Variants in ERCC6L2 observed in about 807,000 individuals in gnomAD.
ERCC6L2 encodes the protein ERCC excision repair 6 like 2.
Under a neutral mutation model 132.0 loss-of-function variants are expected in ERCC6L2, and 77 were observed. That is an observed-to-expected ratio of 0.58 (90% confidence interval 0.49 to 0.71). The LOEUF (loss-of-function observed/expected upper bound fraction) is 0.71, where lower values mean the gene tolerates loss of function less well. ERCC6L2 is among the 30% of genes least tolerant of loss of function. The pLI, the probability that ERCC6L2 is intolerant of heterozygous loss-of-function variation, is 0.00. For missense variants in ERCC6L2, 1,542 were observed against 1,837.6 expected (o/e 0.84, Z 2.94); for synonymous variants, 583 against 632.4 (o/e 0.92, Z 1.17).
intron 17 of ERCC6L2, among the ~76,000 whole-genome samples, chr9:96,003,702 C>T (rs1490401779): frequency 6.6e-6 from 1 of 152,344 alleles, no homozygotes; most frequent in African/African-American, 2.4e-5. Context: ...GGCTGCTGAG[C>T]TTCAGCTCCC....
At chr9:95,876,134 C>G in intron 1 of ERCC6L2, 50 bp downstream of exon 1, 1 of 1,504,622 alleles carries the variant, frequency 6.6e-7, no homozygotes, top group East Asian at 2.5e-5. Flanking sequence ...TACTGCGTCG[C>G]GTTGGACCAG....
chr9:95,908,568 T>C (rs962027091), intron 4 of ERCC6L2, among the ~76,000 whole-genome samples: 1 of 152,224 alleles, frequency 6.6e-6, no homozygotes, highest in Non-Finnish European at 1.5e-5. Context: ...AAGGCTTTTA[T>C]AGTAATGTGG....
In ERCC6L2 at chr9:96,001,166, C is replaced by CATAAAAGCAGCGTGGACCCA. The variant is rs1257313382; in HGVS notation, c.3493-3352_3493-3333dup. On this transcript the variant is annotated intron_variant, in intron 17 of 18. Transcript: ENST00000653738. ...GATCTTTGCGGTGAGTGTTACAGCT[C>CATAAAAGCAGCGTGGACCCA]ATAAAAGCAGCGTGGACCCAAAGAG... Among the ~76,000 whole-genome samples, 15 of 152,284 alleles carry CATAAAAGCAGCGTGGACCCA rather than the reference C, an allele frequency of 9.9e-5. No homozygotes were observed. The East Asian group carries it at 2.9e-3, about 29-fold the overall frequency.
intron 12 of ERCC6L2, among the ~76,000 whole-genome samples, chr9:95,945,433 A>G (rs1169776374): frequency 1.3e-5 from 2 of 152,266 alleles, no homozygotes; most frequent in South Asian, 2.1e-4. Context: ...AGTTAACGCA[A>G]TCATCACAGG....
chr9:95,894,631 A>G (rs1479790507), intron 2 of ERCC6L2, among the ~76,000 whole-genome samples: 3 of 73,452 alleles, frequency 4.1e-5, no homozygotes, highest in East Asian at 4.0e-4. Flanking sequence ...TTTCACTCTT[A>G]TTGCCCAAGA....
intron 2 of ERCC6L2, among the ~76,000 whole-genome samples, chr9:95,890,434 A>G (rs1452586549): frequency 6.6e-6 from 1 of 152,220 alleles, no homozygotes; most frequent in Non-Finnish European, 1.5e-5. Context: ...TCACATAGCT[A>G]GTATGAAACT....
At chr9:95,881,689 C>G (rs376306489) in intron 2 of ERCC6L2, among the ~76,000 whole-genome samples, 1 of 152,056 alleles carries the variant, frequency 6.6e-6, no homozygotes, top group Non-Finnish European at 1.5e-5. Context: ...GCATATTGTT[C>G]GAAGTTTATC....
intron 12 of ERCC6L2, among the ~76,000 whole-genome samples, chr9:95,952,166 TAAAA>T (rs57310402): frequency 8.7e-5 from 5 of 57,736 alleles, no homozygotes; most frequent in Admixed American, 7.9e-4. Flanking sequence ...GACTCCATCT[TAAAA>T]AAAAAAAAAA....
At chr9:96,020,971 C>T (rs1382080337), downstream of ERCC6L2, 1 of 456,576 alleles carries the variant, frequency 2.2e-6, no homozygotes. Flanking sequence ...GCGGAGGGAA[C>T]GGCGCACCGG....
intron 19 of ERCC6L2, chr9:96,028,055 C>G (rs1283509595): frequency 6.6e-6 from 1 of 152,244 alleles, no homozygotes; most frequent in Non-Finnish European, 1.5e-5. Context: ...ACCACCCAGC[C>G]CTGGGAACGG....
chr9:96,002,773 T>A lies in ERCC6L2; in HGVS notation c.3493-1747T>A, dbSNP rs572535548. Among the ~76,000 whole-genome samples the A allele has an allele frequency of 2.6e-5, 4 of 152,326 alleles. No individual in the cohort carries two copies. The South Asian group carries it at 8.3e-4, about 32-fold the overall frequency. ...TTTGTAGGATGTCTTATCCTCTTTC[T>A]CTGGTAGTTTTTAAGGTTTGCCCTT... On this transcript the variant is annotated intron_variant, in intron 17 of 18. Transcript: ENST00000653738.
intron 17 of ERCC6L2, among the ~76,000 whole-genome samples, chr9:95,989,904 T>A (rs1833232250): frequency 6.6e-6 from 1 of 152,222 alleles, no homozygotes; most frequent in Admixed American, 6.5e-5. Flanking sequence ...GGTAGGACAG[T>A]GTTGGGCAAG....
At chr9:95,985,558 A>G (rs934812046) in intron 17 of ERCC6L2, among the ~76,000 whole-genome samples, 14 of 152,238 alleles carry the variant, frequency 9.2e-5, no homozygotes, top group Non-Finnish European at 4.4e-5. Flanking sequence ...CCATTCAAGA[A>G]GAGAGAACAT....
chr9:95,991,054 G>A (rs1464875252), intron 17 of ERCC6L2, among the ~76,000 whole-genome samples: 1 of 151,996 alleles, frequency 6.6e-6, no homozygotes, highest in African/African-American at 2.4e-5. Flanking sequence ...CATAGGCTCC[G>A]ATGCTCAGTT....
At chr9:95,919,669 T>C (rs544598806) in intron 6 of ERCC6L2, among the ~76,000 whole-genome samples, 2 of 152,338 alleles carry the variant, frequency 1.3e-5, no homozygotes, top group Admixed American at 1.3e-4. Flanking sequence ...ATACCGTCGT[T>C]GTTATAGAAA....
rs894247452 is a variant in ERCC6L2 at position 95,916,239 on chromosome 9, C to A, written c.963C>A (p.Gly321=). The change falls in exon 6 of 19, where the codon GGC becomes GGA. Residue 321 remains glycine (G), a synonymous_variant. Transcript: ENST00000653738. The part of the protein sequence containing the change: ...LWCVMDWAVP[G]LLGSGTYFKK... ...TGTCTTTATAAAGGGCTGTGCCAGG[C>A]CTTTTAGGGAGTGGGACCTACTTCA... The A allele has an allele frequency of 3.1e-6, 5 of 1,613,970 alleles. No individual in the cohort carries two copies. The highest frequency in any genetic ancestry group is 4.2e-6 in the Non-Finnish European group (5 of 1,179,916).
intron 2 of ERCC6L2, among the ~76,000 whole-genome samples, chr9:95,882,799 A>C (rs1434296906): frequency 6.6e-6 from 1 of 152,222 alleles, no homozygotes; most frequent in Non-Finnish European, 1.5e-5. Flanking sequence ...GGCAGTGCAG[A>C]TAGTTTAGAC....
chr9:95,922,121 A>G (rs940442320), intron 7 of ERCC6L2, among the ~76,000 whole-genome samples, 184 bp from the exon 8 acceptor site: 2 of 152,236 alleles, frequency 1.3e-5, no homozygotes, highest in Non-Finnish European at 2.9e-5. Flanking sequence ...ATGATTTACC[A>G]AAAGTATGCT....
chr9:95,897,732 C>A, intron 2 of ERCC6L2, 117 bp from the exon 3 acceptor site: 1 of 1,026,364 alleles, frequency 9.7e-7, no homozygotes, highest in Non-Finnish European at 1.4e-6. Context: ...TGTTCTATTT[C>A]CCCCAACAAA....
Sources: gnomAD v4.1 joint callset for allele counts (sites outside exome capture counted in the v4.1 genomes callset) on GRCh38, gnomAD v4.1.1 for gene constraint, MANE v1.5 for transcripts, NCBI Gene and HGNC (gene_info 2026-07-23, HGNC 2026-07-21) for gene names.